EFCAB8: variants seen among roughly 807,000 people sequenced by gnomAD.
The protein encoded by EFCAB8 is EF-hand calcium binding domain 8.
EFCAB8 carries 100 observed loss-of-function variants against 116.3 expected under a neutral mutation model. That is an observed-to-expected ratio of 0.86 (90% CI 0.73 to 1.02). EFCAB8 has a LOEUF of 1.02. Ranked by LOEUF, EFCAB8 falls within the 50% of genes least tolerant of loss-of-function variation. EFCAB8 has a pLI of 0.00. For synonymous variants in EFCAB8, 558 were observed against 567.9 expected, an observed-to-expected ratio of 0.98 and a Z score of 0.25; for missense variants, 1,320 against 1,416.9, an observed-to-expected ratio of 0.93 and a Z score of 1.10.
At position 32,876,050 on chromosome 20, in the gene EFCAB8, G is replaced by GA; in HGVS notation, c.327+7dup. ...GTGAAGGCTTTGTCACCTGGGTGAG[G>GA]AGGGTGCCCCTGCTTCCTCAGGTGC... On this transcript the variant is annotated splice_region_variant and intron_variant, in intron 4 of 26. Coordinates refer to ENST00000400522, the MANE Select transcript of EFCAB8 (RefSeq NM_001143967.2). The GA allele has an allele frequency of 1.3e-6, 2 of 1,551,376 alleles. No individual in the cohort carries two copies. Among genetic ancestry groups the GA allele is most frequent in the Non-Finnish European group, 1.7e-6 (2 of 1,146,770 alleles).
intron 5 of EFCAB8, among the ~76,000 whole-genome samples, chr20:32,879,270 C>T (rs967435411): frequency 5.3e-5 from 8 of 152,132 alleles, no homozygotes; most frequent in Non-Finnish European, 1.0e-4. Context: ...TCCTCAAGCC[C>T]CCAGCCAGGC....
rs185744238 is a variant in EFCAB8 at position 32,909,174 on chromosome 20, C to T, written c.1447-647C>T. Among the ~76,000 whole-genome samples the T allele has an allele frequency of 2.6e-3, 392 of 152,350 alleles. 1 individual carries two copies. Among genetic ancestry groups the T allele is most frequent in the African/African-American group, 7.9e-3 (327 of 41,586 alleles). On this transcript the variant is annotated intron_variant, in intron 14 of 26. Coordinates refer to ENST00000400522, the MANE Select transcript of EFCAB8 (RefSeq NM_001143967.2). ...GTCGGTGACATGTGTGTCATCCTTA[C>T]GCACTTGGCTGGCCCTCCCCTAGAC...
At chr20:32,936,268 A>C (rs992534144) in intron 22 of EFCAB8, among the ~76,000 whole-genome samples, 1 of 152,026 alleles carries the variant, frequency 6.6e-6, no homozygotes, top group African/African-American at 2.4e-5. Flanking sequence ...TCTTGACCTC[A>C]GGCAATCCGC....
At chr20:32,939,180 TTTCTTTCTTTCTTTC>T (rs1451071910) in intron 22 of EFCAB8, among the ~76,000 whole-genome samples, 2 of 94,238 alleles carry the variant, frequency 2.1e-5, no homozygotes, top group African/African-American at 8.9e-5. Flanking sequence ...TCTTTCTTTC[TTTCTTTCTTTCTTTC>T]TTTCTTTCCT....
At chr20:32,862,570 G>T (rs1984167077) in intron 1 of EFCAB8, among the ~76,000 whole-genome samples, 1 of 152,162 alleles carries the variant, frequency 6.6e-6, no homozygotes, top group Admixed American at 6.6e-5. Context: ...GACACTGCTA[G>T]ATTAGAGCAT....
At chr20:32,937,839 G>A (rs1276304786) in intron 22 of EFCAB8, among the ~76,000 whole-genome samples, 3 of 149,250 alleles carry the variant, frequency 2.0e-5, no homozygotes, top group African/African-American at 7.5e-5. Context: ...GGCTGGTCTC[G>A]AACTCCCAAC....
At position 32,885,611 on chromosome 20, in the gene EFCAB8, G is replaced by A; in HGVS notation, c.538G>A (p.Glu180Lys). ...TKDGILQFWSESFSLMSSFRL... is the reference protein window; with the variant it reads ...TKDGILQFWSKSFSLMSSFRL... ...AGACGGGATCCTGCAGTTCTGGTCT[G>A]AGTCCTTCTCGCTGATGAGCTCCTT... Residue 180 changes from glutamate to lysine, a missense_variant, in exon 6 of 27, where the codon GAG becomes AAG. Coordinates refer to ENST00000400522, the MANE Select transcript of EFCAB8 (RefSeq NM_001143967.2). The A allele has an allele frequency of 6.4e-7, 1 of 1,551,830 alleles. No homozygotes were observed. Among genetic ancestry groups the A allele is most frequent in the East Asian group, 2.4e-5 (1 of 40,922 alleles).
chr20:32,944,945 C>T (rs1321344611), intron 23 of EFCAB8, among the ~76,000 whole-genome samples: 1 of 151,858 alleles, frequency 6.6e-6, no homozygotes, highest in African/African-American at 2.4e-5. Flanking sequence ...TCTAGTACTA[C>T]CATAATGCAT....
At chr20:32,905,918 A>C (rs1221332947) in intron 11 of EFCAB8, among the ~76,000 whole-genome samples, 2 of 151,984 alleles carry the variant, frequency 1.3e-5, no homozygotes, top group African/African-American at 2.4e-5. Context: ...AAGATGCCAT[A>C]TTTTGGGGTA....
At chr20:32,889,186 C>T (rs372019409) in intron 6 of EFCAB8, 115 bp from the exon 7 acceptor site, 19 of 826,482 alleles carry the variant, frequency 2.3e-5, no homozygotes, top group Middle Eastern at 6.9e-4. Context: ...TAGTGCTAGG[C>T]TCCATGCCAG....
rs1244720382 is a variant in EFCAB8 at position 32,872,592 on chromosome 20, G to A, written c.209-3334G>A. Among the ~76,000 whole-genome samples the A allele has an allele frequency of 2.6e-5, 4 of 152,036 alleles. No homozygotes were observed. The East Asian group carries it at 5.8e-4, about 22-fold the overall frequency. ...GGGTGGATCAAGAGGTCAAGGGTTCGAGACCAGCCTGGCCAACATGGTGAA... is the reference window on the plus strand; with the variant it reads ...GGGTGGATCAAGAGGTCAAGGGTTCAAGACCAGCCTGGCCAACATGGTGAA... On this transcript the variant is annotated intron_variant, in intron 3 of 26. Transcript: ENST00000400522.
At chr20:32,882,800 G>A (rs868627380) in intron 5 of EFCAB8, among the ~76,000 whole-genome samples, 1 of 151,696 alleles carries the variant, frequency 6.6e-6, no homozygotes, top group African/African-American at 2.4e-5. Flanking sequence ...GGTTCATGCC[G>A]TTCTCCTGCC....
In EFCAB8 at chr20:32,899,229, C is replaced by CAATAAT. The variant is rs34439877; in HGVS notation, c.1088+628_1088+633dup. Among the ~76,000 whole-genome samples the CAATAAT allele has an allele frequency of 3.6e-3, 529 of 146,458 alleles. 2 individuals carry two copies. Among genetic ancestry groups the CAATAAT allele is most frequent in the African/African-American group, 0.011 (434 of 39,460 alleles). On this transcript the variant is annotated intron_variant, in intron 11 of 26. Coordinates refer to ENST00000400522, the MANE Select transcript of EFCAB8 (RefSeq NM_001143967.2). ...CGAAACCCCGTCTCTACTAAAAATA[C>CAATAAT]AATAATAATAATAATAATAATAATA...
Position 32,858,976 on chromosome 20 carries a change from A to C in EFCAB8, c.-41A>C, listed in dbSNP as rs531824381. The stretch of plus-strand genomic sequence containing the variant: ...AGCACTTTGCCAGACTTTGCCAGCA[A>C]GATTAACTGAGGAGATCAAATTGAG... On this transcript the variant is annotated 5_prime_UTR_variant, in exon 1 of 27. Transcript: ENST00000400522. The C allele has an allele frequency of 4.2e-6, 2 of 471,104 alleles. No homozygotes were observed. The highest frequency in any genetic ancestry group is 6.9e-5 in the East Asian group (1 of 14,396). The allele number at this position is 471,104 out of a possible 1,614,324, so 29.2% of individuals were successfully genotyped here. A position where few individuals can be genotyped will look rare whatever the true frequency, so the allele number is the denominator to read the frequency against.
chr20:32,939,999 GCCTGCCTC>G (rs1227306285), intron 22 of EFCAB8, among the ~76,000 whole-genome samples: 3 of 63,436 alleles, frequency 4.7e-5, no homozygotes, highest in Non-Finnish European at 7.2e-5. Context: ...CTGCCTGCCT[GCCTGCCTC>G]CCTCCCTCCC....
chr20:32,945,724 A>G (rs1351548690), intron 23 of EFCAB8, among the ~76,000 whole-genome samples: 1 of 152,156 alleles, frequency 6.6e-6, no homozygotes, highest in Admixed American at 6.5e-5. Flanking sequence ...CAGTCTTTAT[A>G]TACTGGCTTC....
intron 3 of EFCAB8, among the ~76,000 whole-genome samples, chr20:32,873,168 G>A (rs1984772542): frequency 1.3e-5 from 2 of 152,122 alleles, no homozygotes; most frequent in South Asian, 4.1e-4. Flanking sequence ...GAAAGCCAGT[G>A]TGTCAGCTGA....
intron 23 of EFCAB8, among the ~76,000 whole-genome samples, chr20:32,956,282 GTCATTA>G (rs1988962402): frequency 6.6e-6 from 1 of 151,864 alleles, no homozygotes; most frequent in Admixed American, 6.6e-5. Flanking sequence ...ATAAGACATT[GTCATTA>G]TTATTTCTTT....
At chr20:32,870,686 G>A (rs1208210203) in intron 3 of EFCAB8, among the ~76,000 whole-genome samples, 1 of 152,034 alleles carries the variant, frequency 6.6e-6, no homozygotes, top group Non-Finnish European at 1.5e-5. Context: ...CTTTTTGGTA[G>A]AGATGGGGTC....
Sources: allele counts gnomAD v4.1 joint callset (sites outside exome capture counted in the v4.1 genomes callset), GRCh38; gene constraint gnomAD v4.1.1; transcripts MANE v1.5; gene names NCBI Gene and HGNC (gene_info 2026-07-23, HGNC 2026-07-21).